SUFU: variants seen among roughly 807,000 people sequenced by gnomAD.
SUFU encodes the protein suppressor of fused homolog.
A neutral mutation model predicts 58.9 loss-of-function variants in SUFU; 7 were observed. The observed-to-expected ratio is 0.12, with a 90% CI of 0.07 to 0.22. The LOEUF (loss-of-function observed/expected upper bound fraction) is 0.22, where lower values mean the gene tolerates loss of function less well. Ranked by LOEUF, SUFU falls within the 10% of genes least tolerant of loss-of-function variation. SUFU has a pLI of 1.00. For missense variants in SUFU, 451 were observed against 641.3 expected (o/e 0.70, Z 3.20); for synonymous variants, 232 against 254.8 (o/e 0.91, Z 0.85).
intron 3 of SUFU, among the ~76,000 whole-genome samples, chr10:102,564,721 T>C (rs568197599): frequency 6.6e-6 from 1 of 152,348 alleles, no homozygotes; most frequent in South Asian, 2.1e-4. Flanking sequence ...TATATTCATA[T>C]CATTTTTCTC....
chr10:102,574,381 A>C (rs1397058893), intron 3 of SUFU, among the ~76,000 whole-genome samples: 1 of 152,272 alleles, frequency 6.6e-6, no homozygotes, highest in Non-Finnish European at 1.5e-5. Flanking sequence ...TAAAACTAGT[A>C]TATGGATATA....
intron 1 of SUFU, among the ~76,000 whole-genome samples, chr10:102,505,151 A>G (rs1236593519): frequency 1.3e-5 from 2 of 152,140 alleles, no homozygotes; most frequent in Non-Finnish European, 2.9e-5. Flanking sequence ...CCCAGCAGGG[A>G]GGAATTGTGC....
chr10:102,581,860 G>A (rs2063283938), intron 3 of SUFU, among the ~76,000 whole-genome samples: 1 of 152,204 alleles, frequency 6.6e-6, no homozygotes, highest in Non-Finnish European at 1.5e-5. Flanking sequence ...TGCAAGAGGA[G>A]TGGAGATTTT....
Position 102,593,487 on chromosome 10 carries a change from A to G in SUFU, c.598-149A>G, listed in dbSNP as rs1590062635. The G allele has an allele frequency of 6.2e-6, 5 of 810,090 alleles. No homozygotes were observed. In the East Asian group the frequency reaches 1.3e-4, roughly 21 times the overall value. 50.2% of individuals were successfully genotyped at this position (810,090 alleles called of 1,614,324 possible). ...CAGGCAGCCACTCCCTCCTAAGGGA[A>G]TCATCCAATCTTGGCTGCACCAGCT... On this transcript the variant is annotated intron_variant, in intron 4 of 11. Coordinates refer to ENST00000369902, the MANE Select transcript of SUFU (RefSeq NM_016169.4).
intron 3 of SUFU, among the ~76,000 whole-genome samples, chr10:102,586,064 T>G (rs2063332966): frequency 6.6e-6 from 1 of 151,740 alleles, no homozygotes; most frequent in East Asian, 2.0e-4. Context: ...TTTGTATTTT[T>G]AGTAGAGACG....
Position 102,593,729 on chromosome 10 carries a change from C to T in SUFU, c.683+8C>T, listed in dbSNP as rs369232884. ...GCTGCGGACAGTGCCTATGTGAGTACCCATGCAAGGTGGGAGCGCGGCTCC... is the reference window on the plus strand; with the variant it reads ...GCTGCGGACAGTGCCTATGTGAGTATCCATGCAAGGTGGGAGCGCGGCTCC... On this transcript the variant is annotated splice_region_variant and intron_variant, in intron 5 of 11. Transcript: ENST00000369902. The T allele has an allele frequency of 3.7e-6, 6 of 1,613,860 alleles. No homozygotes were observed. The African/African-American group carries it at 5.3e-5, about 14-fold the overall frequency.
intron 3 of SUFU, among the ~76,000 whole-genome samples, chr10:102,565,661 T>G (rs530622149): frequency 1.1e-4 from 17 of 152,252 alleles, no homozygotes; most frequent in Non-Finnish European, 2.4e-4. Flanking sequence ...TCTCCTGCCT[T>G]AGCCTCCCGA....
chr10:102,604,388 A>G (rs2063542587), intron 8 of SUFU, among the ~76,000 whole-genome samples: 1 of 152,200 alleles, frequency 6.6e-6, no homozygotes, highest in Non-Finnish European at 1.5e-5. Context: ...GGCATGGGTA[A>G]ATTTCTGTTT....
intron 8 of SUFU, among the ~76,000 whole-genome samples, chr10:102,608,539 C>A (rs1392689275): frequency 6.6e-6 from 1 of 152,132 alleles, no homozygotes; most frequent in Non-Finnish European, 1.5e-5. Flanking sequence ...CATCTGACAG[C>A]CCCCTGAAAA....
intron 3 of SUFU, among the ~76,000 whole-genome samples, chr10:102,557,026 G>T (rs1049666705): frequency 6.6e-6 from 1 of 151,982 alleles, no homozygotes; most frequent in Non-Finnish European, 1.5e-5. Context: ...GAACCTGGGA[G>T]GCGGAGGTTG....
intron 7 of SUFU, among the ~76,000 whole-genome samples, chr10:102,598,969 G>A (rs1439546138): frequency 1.3e-5 from 2 of 152,130 alleles, no homozygotes; most frequent in East Asian, 1.9e-4. Context: ...GAATGCAAGG[G>A]GAAGGAGTGG....
At chr10:102,555,054 G>C (rs1016475924) in intron 3 of SUFU, among the ~76,000 whole-genome samples, 6 of 152,018 alleles carry the variant, frequency 3.9e-5, no homozygotes, top group African/African-American at 7.2e-5. Context: ...GAATCACAAG[G>C]TCAGGAGATC....
At chr10:102,520,930 A>G (rs2062544279) in intron 2 of SUFU, among the ~76,000 whole-genome samples, 1 of 152,162 alleles carries the variant, frequency 6.6e-6, no homozygotes, top group African/African-American at 2.4e-5. Context: ...GCTTCTATAA[A>G]CATTTGTATA....
chr10:102,585,269 T>C (rs2063325090), intron 3 of SUFU, among the ~76,000 whole-genome samples: 1 of 152,220 alleles, frequency 6.6e-6, no homozygotes, highest in Admixed American at 6.5e-5. Context: ...CAACCACTAA[T>C]CTACTATCTG....
chr10:102,555,700 C>G (rs1480299267), intron 3 of SUFU, among the ~76,000 whole-genome samples: 2 of 152,038 alleles, frequency 1.3e-5, no homozygotes, highest in Non-Finnish European at 2.9e-5. Context: ...AGTAATTGCC[C>G]CTTATTGTAA....
chr10:102,592,492 C>G (rs2063413613), intron 3 of SUFU, 90 bp from the exon 4 acceptor site: 5 of 1,505,298 alleles, frequency 3.3e-6, no homozygotes, highest in Non-Finnish European at 4.6e-6. Context: ...GCTGGGAAGC[C>G]TCCCAGCCTG....
Position 102,619,554 on chromosome 10 carries a change from C to A in SUFU, c.1296+2126C>A. The stretch of plus-strand genomic sequence containing the variant: ...TGGGAAGGCTGGCGGAGGCCCCACA[C>A]CCCAAGCACCCACCCTTGATCACCG... On this transcript the variant is annotated intron_variant, in intron 10 of 11. Transcript: ENST00000369902. The surrounding 1 kb of genome is among the most constrained non-coding windows in gnomAD (Gnocchi z 4.2). The A allele has an allele frequency of 9.7e-7, 1 of 1,031,406 alleles. No homozygotes were observed. The highest frequency in any genetic ancestry group is 1.7e-5 in the African/African-American group (1 of 60,078). 63.9% of individuals were successfully genotyped at this position (1,031,406 alleles called of 1,614,324 possible). A position where few individuals can be genotyped will look rare whatever the true frequency, so the allele number is the denominator to read the frequency against.
intron 3 of SUFU, among the ~76,000 whole-genome samples, chr10:102,576,135 T>C (rs1326027775): frequency 1.3e-5 from 2 of 151,944 alleles, no homozygotes; most frequent in Non-Finnish European, 2.9e-5. Flanking sequence ...CATGAGGTAC[T>C]GCAACTGACC....
In SUFU at chr10:102,625,398, G is replaced by A. The variant is rs2063776490; in HGVS notation, c.1297-1777G>A. Among the ~76,000 whole-genome samples the A allele has an allele frequency of 2.0e-5, 3 of 152,214 alleles. No homozygotes were observed. In the South Asian group the frequency reaches 6.2e-4, roughly 32 times the overall value. On this transcript the variant is annotated intron_variant, in intron 10 of 11. Transcript: ENST00000369902. This position sits in a 1 kb window ranked among gnomAD's most constrained non-coding sequence, Gnocchi z 4.7. ...GTGAGGAGACGTGGACCAGTGGTCA[G>A]AGTTATTTTGTTCCTGCTATGGGCT...
Sources: allele counts gnomAD v4.1 joint callset (sites outside exome capture counted in the v4.1 genomes callset), GRCh38; gene constraint gnomAD v4.1.1; non-coding constraint Gnocchi (gnomAD v3.1); transcripts MANE v1.5; gene names NCBI Gene and HGNC (gene_info 2026-07-23, HGNC 2026-07-21).